Variants in MTMR10 observed in about 807,000 individuals in gnomAD.
The protein encoded by MTMR10 is myotubularin related protein 10.
In MTMR10, 56 loss-of-function variants were observed where a neutral mutation model predicts 88.1. The ratio of observed to expected loss-of-function variants is 0.64; its 90% CI spans 0.51 to 0.79. MTMR10 has a LOEUF of 0.79. Among genes scored for constraint, MTMR10 ranks in the 30% least tolerant of loss-of-function variants. The pLI, the probability that MTMR10 is intolerant of heterozygous loss-of-function variation, is 0.00. For synonymous variants in MTMR10, 380 were observed against 340.9 expected (o/e 1.11, Z -1.26); for missense variants, 883 against 924.7 (o/e 0.95, Z 0.58).
At chr15:30,947,755 G>C (rs1357055983) in intron 13 of MTMR10, among the ~76,000 whole-genome samples, 2 of 152,176 alleles carry the variant, frequency 1.3e-5, no homozygotes, top group Non-Finnish European at 2.9e-5. Flanking sequence ...GTGTCCCCAA[G>C]TGCAGTAGCG....
At chr15:30,989,051 A>G (rs961562906) in intron 2 of MTMR10, among the ~76,000 whole-genome samples, 9 of 152,040 alleles carry the variant, frequency 5.9e-5, no homozygotes, top group Admixed American at 3.9e-4. Flanking sequence ...ACTGACATTT[A>G]CAGCTAAGAC....
the MTMR10 span, chr15:30,925,350 C>G: frequency 6.8e-7 from 1 of 1,469,684 alleles, no homozygotes; most frequent in Non-Finnish European, 9.3e-7. Context: ...TTTTTTTGGA[C>G]CAGAAGCATC....
intron 14 of MTMR10, chr15:30,946,178 T>G (rs1189651769): frequency 6.6e-6 from 1 of 152,288 alleles, no homozygotes; most frequent in African/African-American, 2.4e-5. Context: ...TTCTCCCTCC[T>G]GCAATAGCCT....
At chr15:30,961,383 G>A (rs2063400086) in intron 6 of MTMR10, among the ~76,000 whole-genome samples, 1 of 152,026 alleles carries the variant, frequency 6.6e-6, no homozygotes, top group Admixed American at 6.6e-5. Flanking sequence ...ACAGGCACCT[G>A]CCACCATGCA....
chr15:30,958,460 G>A (rs1374047886), intron 9 of MTMR10, among the ~76,000 whole-genome samples: 2 of 152,214 alleles, frequency 1.3e-5, no homozygotes, highest in African/African-American at 2.4e-5. Flanking sequence ...TGCCAGACTC[G>A]TCTGTGGTGG....
rs1292055728 is a variant in MTMR10 at position 30,961,110 on chromosome 15, A to C, written c.566-37T>G. The C allele has an allele frequency of 4.6e-6, 7 of 1,518,908 alleles. No individual in the cohort carries two copies. In the African/African-American group the frequency reaches 8.3e-5, roughly 18 times the overall value. The allele number at this position is 1,518,908 out of a possible 1,614,324, so 94.1% of individuals were successfully genotyped here. On this transcript the variant is annotated intron_variant, in intron 6 of 15. Transcript: ENST00000435680. Reference sequence around the variant, plus strand: ...AGCAACATTATGAATTTTAACAGTCACATTTTCCCCAGCATTCCCTCTTCT... The same window carrying C: ...AGCAACATTATGAATTTTAACAGTCCCATTTTCCCCAGCATTCCCTCTTCT...
At chr15:30,988,457 T>A (rs1314819776) in intron 2 of MTMR10, among the ~76,000 whole-genome samples, 1 of 152,182 alleles carries the variant, frequency 6.6e-6, no homozygotes, top group Non-Finnish European at 1.5e-5. Flanking sequence ...AATGGGCAAC[T>A]AAAAGGTTCA....
chr15:30,927,125 C>T, the MTMR10 span: 1 of 919,236 alleles, frequency 1.1e-6, no homozygotes, highest in Non-Finnish European at 1.3e-6. Flanking sequence ...GGGAGGATCT[C>T]TTGACCCCAG....
the MTMR10 span, chr15:30,925,847 TG>T: frequency 6.2e-7 from 1 of 1,614,254 alleles, no homozygotes. Flanking sequence ...GTGTTTGTGA[TG>T]GAGGCCGGGG....
rs2062971197 is a variant in MTMR10, at chr15:30,939,639, T to C, written c.*1831A>G. On this transcript the variant is annotated 3_prime_UTR_variant, in exon 16 of 16. Transcript: ENST00000435680. ...TTTTAAACTTGTAAATTAACAACAA[T>C]AAAATACTACAAGAGTTAAAATAAA... is the stretch of plus-strand genomic sequence containing the variant. 1.1e-6 allele frequency: 1 copy of C among 902,188 alleles called. No individual in the cohort carries two copies. The highest frequency in any genetic ancestry group is 2.1e-5 in the African/African-American group (1 of 48,208). The allele number at this position is 902,188 out of a possible 1,614,324, so 55.9% of individuals were successfully genotyped here. A position where few individuals can be genotyped will look rare whatever the true frequency, so the allele number is the denominator to read the frequency against.
At chr15:30,977,000 A>G in intron 2 of MTMR10, 45 bp from the exon 3 acceptor site, 1 of 1,577,918 alleles carries the variant, frequency 6.3e-7, no homozygotes, top group South Asian at 1.1e-5. Context: ...GTCATAAAAT[A>G]CCAACGGTCT....
chr15:30,941,048 A>G lies in MTMR10; in HGVS notation c.*422T>C, dbSNP rs1001536760. On this transcript the variant is annotated 3_prime_UTR_variant, in exon 16 of 16. Transcript: ENST00000435680. ...AAAGTAACCAGAAAAATACATGAAT[A>G]CTTCCTAAAACCTGCTGGAGGTTTT... 20 of 1,179,474 alleles carry G rather than the reference A, an allele frequency of 1.7e-5. No individual in the cohort carries two copies. Among genetic ancestry groups the G allele is most frequent in the South Asian group, 1.1e-4 (7 of 61,006 alleles). The allele number at this position is 1,179,474 out of a possible 1,614,324, so 73.1% of individuals were successfully genotyped here. A position where few individuals can be genotyped will look rare whatever the true frequency, so the allele number is the denominator to read the frequency against.
chr15:30,946,554 C>T, intron 14 of MTMR10: 1 of 581,602 alleles, frequency 1.7e-6, no homozygotes, highest in Non-Finnish European at 3.1e-6. Context: ...TCCTGAAGGT[C>T]CACAAGAGCT....
chr15:30,936,784 A>T (rs906140052), downstream of MTMR10, among the ~76,000 whole-genome samples: 1 of 152,196 alleles, frequency 6.6e-6, no homozygotes, highest in African/African-American at 2.4e-5. Context: ...TTCACTGCAA[A>T]CCGTAGAGTA....
intron 5 of MTMR10, among the ~76,000 whole-genome samples, chr15:30,972,736 CCTT>C (rs2063552159): frequency 6.6e-6 from 1 of 152,060 alleles, no homozygotes. Context: ...TGCATCTTAC[CCTT>C]CTTTCTACTT....
At position 30,943,081 on chromosome 15, in the gene MTMR10, T is replaced by A. The variant is rs747148356; in HGVS notation, c.1549-9A>T. The stretch of plus-strand genomic sequence containing the variant: ...TTGCTTATAGCAAATTCCTGCAAAA[T>A]AAATAAATAAATATTTGCAAAACTA... On this transcript the variant is annotated splice_polypyrimidine_tract_variant and intron_variant, in intron 14 of 15. Transcript: ENST00000435680. The A allele has an allele frequency of 6.6e-7, 1 of 1,523,626 alleles. No homozygotes were observed. Among genetic ancestry groups the A allele is most frequent in the Non-Finnish European group, 8.8e-7 (1 of 1,136,528 alleles). 94.4% of individuals were successfully genotyped at this position (1,523,626 alleles called of 1,614,324 possible). A position where few individuals can be genotyped will look rare whatever the true frequency, so the allele number is the denominator to read the frequency against.
At chr15:30,932,076 G>T in the MTMR10 span, among the ~76,000 whole-genome samples, 1 of 151,766 alleles carries the variant, frequency 6.6e-6, no homozygotes, top group African/African-American at 2.4e-5. Context: ...CAAAAAATTA[G>T]CCGGGTGTGG....
Position 30,958,379 on chromosome 15 carries a change from T to G in MTMR10, c.935+484A>C, listed in dbSNP as rs150480129. On this transcript the variant is annotated intron_variant, in intron 9 of 15. Transcript: ENST00000435680. ...GAGAGTGATCAATAGTATTGCTCAC[T>G]GCTATGAGCACAACTGAGAAAGGCC... Among the ~76,000 whole-genome samples, 38 of 152,352 alleles carry G rather than the reference T, an allele frequency of 2.5e-4. No homozygotes were observed. In the East Asian group the frequency reaches 3.1e-3, roughly 12 times the overall value.
At chr15:30,922,442 A>T in the MTMR10 span, 3 of 1,289,048 alleles carry the variant, frequency 2.3e-6, no homozygotes, top group Admixed American at 2.3e-5. Context: ...TAAAATTTAC[A>T]TGTAATTAGA....
Sources: allele counts gnomAD v4.1 joint callset (sites outside exome capture counted in the v4.1 genomes callset), GRCh38; gene constraint gnomAD v4.1.1; transcripts MANE v1.5; gene names NCBI Gene and HGNC (gene_info 2026-07-23, HGNC 2026-07-21).